Variants in BST1 observed in about 807,000 individuals in gnomAD.
BST1 encodes the protein ADP-ribosyl cyclase/cyclic ADP-ribose hydrolase 2.
In BST1, 49 loss-of-function variants were observed where a neutral mutation model predicts 40.6. That is an observed-to-expected ratio of 1.21 (90% CI 0.96 to 1.53). BST1 has a LOEUF of 1.53. Among genes scored for constraint, BST1 ranks in the 40% most tolerant of loss-of-function variants. The probability of loss-of-function intolerance (pLI) is 0.00; values close to 1 mark genes in which losing one functional copy is unlikely to be tolerated. For missense variants in BST1, 423 were observed against 395.9 expected (o/e 1.07, Z -0.58); for synonymous variants, 157 against 159.3 (o/e 0.99, Z 0.11).
chr4:15,755,054 T>C, the BST1 span, among the ~76,000 whole-genome samples: 9 of 152,236 alleles, frequency 5.9e-5, no homozygotes, highest in African/African-American at 1.7e-4. Context: ...TGCATAATAT[T>C]CCATGGGAGA....
At chr4:15,716,896 C>T (rs1277737849) in intron 6 of BST1, among the ~76,000 whole-genome samples, 1 of 152,140 alleles carries the variant, frequency 6.6e-6, no homozygotes, top group African/African-American at 2.4e-5. Context: ...TTGACTCAAC[C>T]TCCCGAGTAG....
downstream of BST1, chr4:15,736,160 G>A: frequency 7.9e-7 from 1 of 1,272,676 alleles, no homozygotes; most frequent in South Asian, 1.2e-5. Flanking sequence ...ACATATCATT[G>A]CCTCCTGACT....
chr4:15,726,745 C>T (rs1363549016), intron 8 of BST1, among the ~76,000 whole-genome samples: 4 of 152,160 alleles, frequency 2.6e-5, no homozygotes, highest in Non-Finnish European at 5.9e-5. Flanking sequence ...AAACCCACTG[C>T]ACCCTACACC....
chr4:15,709,203 C>G (rs1196213807), intron 3 of BST1, among the ~76,000 whole-genome samples: 1 of 152,128 alleles, frequency 6.6e-6, no homozygotes, highest in Non-Finnish European at 1.5e-5. Flanking sequence ...TACCTAGATG[C>G]CGAGGGAAAA....
chr4:15,737,917 C>T (rs982851826), exon 7 of BST1: 1 of 768,680 alleles, frequency 1.3e-6, no homozygotes, highest in African/African-American at 1.8e-5. Flanking sequence ...AATTGCATGC[C>T]TGCCTAGTCC....
Position 15,711,817 on chromosome 4 carries a change from C to G in BST1, c.462C>G (p.Tyr154Ter). Residue 154 changes from tyrosine to a stop codon, truncating the protein, a stop_gained, in exon 4 of 9, where the codon TAC becomes TAG. Transcript: ENST00000265016. LOFTEE classifies it high-confidence loss of function. ...CRQKNDSGLD[Y>*]QSCPTSEDCE... Reference sequence around the variant, plus strand: ...CTACTTACCCCTTAGGACTCGATTACCAATCCTGCCCTACATCAGAAGACT... The same window carrying G: ...CTACTTACCCCTTAGGACTCGATTAGCAATCCTGCCCTACATCAGAAGACT... 2 of 1,613,644 alleles carry G rather than the reference C, an allele frequency of 1.2e-6. No individual in the cohort carries two copies. Among genetic ancestry groups the G allele is most frequent in the African/African-American group, 1.3e-5 (1 of 75,020 alleles).
Position 15,703,257 on chromosome 4 carries a change from G to C in BST1, c.113G>C (p.Gly38Ala). The part of the protein sequence containing the change: ...GGARARWRGE[G>A]TSAHLRDIFL... ...GCGCGCGCGCGGTGGCGCGGGGAGG[G>C]CACCAGCGCACACTTGCGGGACATC... The change falls in exon 1 of 9, where the codon GGC becomes GCC. Residue 38 changes from glycine (G) to alanine (A), a missense_variant. Coordinates refer to ENST00000265016, the MANE Select transcript of BST1 (RefSeq NM_004334.3). 6.5e-7 allele frequency: 1 copy of C among 1,540,962 alleles called. No individual in the cohort carries two copies. Among genetic ancestry groups the C allele is most frequent in the Non-Finnish European group, 8.7e-7 (1 of 1,147,048 alleles).
chr4:15,767,052 G>T, the BST1 span, among the ~76,000 whole-genome samples: 1 of 151,826 alleles, frequency 6.6e-6, no homozygotes, highest in African/African-American at 2.4e-5. Flanking sequence ...TAGTAGATCT[G>T]CAAGTTGTCT....
At chr4:15,732,815 T>C (rs1721431822), downstream of BST1, 1 of 152,370 alleles carries the variant, frequency 6.6e-6, no homozygotes, top group Non-Finnish European at 1.5e-5. Context: ...GTGACAAAAT[T>C]GTGACAACCT....
At chr4:15,725,251 A>G (rs972216876) in intron 8 of BST1, among the ~76,000 whole-genome samples, 15 of 152,176 alleles carry the variant, frequency 9.9e-5, no homozygotes, top group African/African-American at 3.6e-4. Flanking sequence ...CAGGATCTGA[A>G]GGAGTCTGAG....
chr4:15,762,843 C>A, the BST1 span, among the ~76,000 whole-genome samples: 1 of 152,006 alleles, frequency 6.6e-6, no homozygotes. Flanking sequence ...GCATAATGTC[C>A]TCCAGGTTCA....
the BST1 span, among the ~76,000 whole-genome samples, chr4:15,752,060 G>T: frequency 1.3e-5 from 2 of 152,164 alleles, no homozygotes; most frequent in Non-Finnish European, 2.9e-5. Context: ...GACAAGAGAG[G>T]TGTATGATCA....
chr4:15,746,781 A>G, the BST1 span, among the ~76,000 whole-genome samples: 2 of 152,192 alleles, frequency 1.3e-5, no homozygotes, highest in Non-Finnish European at 2.9e-5. Context: ...CTTACTCCAC[A>G]GGTCAAAAAA....
chr4:15,749,545 T>A, the BST1 span, among the ~76,000 whole-genome samples: 2 of 152,200 alleles, frequency 1.3e-5, no homozygotes, highest in Non-Finnish European at 2.9e-5. Flanking sequence ...TTTTATTATG[T>A]TTTCAAAGCA....
chr4:15,763,204 G>T, the BST1 span, among the ~76,000 whole-genome samples: 3 of 151,724 alleles, frequency 2.0e-5, no homozygotes, highest in African/African-American at 7.3e-5. Context: ...TTTAGAATAT[G>T]TTTTAAAATA....
intron 8 of BST1, chr4:15,723,538 A>G (rs1720940584): frequency 1.0e-6 from 1 of 985,462 alleles, no homozygotes; most frequent in Non-Finnish European, 1.2e-6. Flanking sequence ...GTAAGCCACC[A>G]CGCCTGGCCC....
chr4:15,708,275 T>C (rs1361357496), intron 3 of BST1, among the ~76,000 whole-genome samples: 1 of 152,068 alleles, frequency 6.6e-6, no homozygotes, highest in Non-Finnish European at 1.5e-5. Flanking sequence ...ACAAGGAAAG[T>C]TAGAGTCACA....
At chr4:15,753,426 T>C in the BST1 span, among the ~76,000 whole-genome samples, 1 of 152,210 alleles carries the variant, frequency 6.6e-6, no homozygotes, top group Non-Finnish European at 1.5e-5. Flanking sequence ...TGTGCTCCTG[T>C]GTATACATGT....
chr4:15,719,630 G>A (rs527932867), intron 7 of BST1, among the ~76,000 whole-genome samples: 38 of 152,262 alleles, frequency 2.5e-4, no homozygotes, highest in Non-Finnish European at 5.1e-4. Context: ...ATTCTGCAAG[G>A]GGCTGGAATC....
Sources: allele counts gnomAD v4.1 joint callset (sites outside exome capture counted in the v4.1 genomes callset), GRCh38; gene constraint gnomAD v4.1.1; transcripts MANE v1.5; gene names NCBI Gene and HGNC (gene_info 2026-07-23, HGNC 2026-07-21).